The following WDR33 variants were observed in gnomAD, a reference collection of about 807,000 sequenced individuals.
WDR33 encodes the protein pre-mRNA 3' end processing protein WDR33.
Under a neutral mutation model 164.9 loss-of-function variants are expected in WDR33, and 47 were observed. The observed-to-expected ratio is 0.29, with a 90% CI of 0.23 to 0.36. The LOEUF is 0.36. Ranked by LOEUF, WDR33 falls within the 10% of genes least tolerant of loss-of-function variation. The pLI is 1.00. For synonymous variants in WDR33, 505 were observed against 589.0 expected (o/e 0.86, Z 2.06); for missense variants, 1,137 against 1,754.1 (o/e 0.65, Z 6.28).
chr2:127,727,883 G>C (rs1280279356), intron 7 of WDR33, among the ~76,000 whole-genome samples: 1 of 152,186 alleles, frequency 6.6e-6, no homozygotes, highest in African/African-American at 2.4e-5. Context: ...CAGACAAAGG[G>C]AAGTGAAGTG....
At chr2:127,775,390 T>C (rs748665368) in intron 1 of WDR33, among the ~76,000 whole-genome samples, 79 of 152,184 alleles carry the variant, frequency 5.2e-4, no homozygotes, top group Non-Finnish European at 9.4e-4. Context: ...GGTTTTGCCA[T>C]GTTGGTCAGG....
rs1000970695 is a variant in WDR33, at chr2:127,702,842, A to G, written c.*3481T>C. The G allele has an allele frequency of 2.4e-5, 4 of 166,856 alleles. No homozygotes were observed. Among genetic ancestry groups the G allele is most frequent in the African/African-American group, 4.8e-5 (2 of 41,478 alleles). The allele number at this position is 166,856 out of a possible 1,614,324, so 10.3% of individuals were successfully genotyped here. A position where few individuals can be genotyped will look rare whatever the true frequency, so the allele number is the denominator to read the frequency against. ...AAAGAAATTTCCTGCCCCAAGAAGC[A>G]TGGGATCCAGGAAGGGGCGCGTAGA... On this transcript the variant is annotated 3_prime_UTR_variant, in exon 22 of 22. Coordinates refer to ENST00000322313, the MANE Select transcript of WDR33 (RefSeq NM_018383.5).
intron 7 of WDR33, chr2:127,762,469 G>A (rs944776996): frequency 1.3e-5 from 13 of 963,762 alleles, no homozygotes; most frequent in Non-Finnish European, 1.6e-5. Flanking sequence ...TAAAATAATC[G>A]AAGTGAGAAT....
chr2:127,709,933 T>C lies in WDR33; in HGVS notation c.3309-77A>G, dbSNP rs768768750. ...TAAGTTCATGTTTCAAAGAAGCATA[T>C]GATATGAGAAAGCATGATACAATGT... On this transcript the variant is annotated intron_variant, in intron 18 of 21. Transcript: ENST00000322313. This position sits in a 1 kb window ranked among gnomAD's most constrained non-coding sequence, Gnocchi z 5.0. The C allele has an allele frequency of 3.1e-4, 476 of 1,518,706 alleles. No homozygotes were observed. The highest frequency in any genetic ancestry group is 4.2e-4 in the Non-Finnish European group (470 of 1,121,196). The allele number at this position is 1,518,706 out of a possible 1,614,324, so 94.1% of individuals were successfully genotyped here.
Position 127,708,845 on chromosome 2 carries a change from G to T in WDR33, c.3613C>A (p.Pro1205Thr), listed in dbSNP as rs1267199291. 1 of 1,610,422 alleles carries T rather than the reference G, an allele frequency of 6.2e-7. No individual in the cohort carries two copies. The highest frequency in any genetic ancestry group is 8.5e-7 in the Non-Finnish European group (1 of 1,177,676). ...CTGGCTGGGGAATGACCGTCGTGAG[G>T]GGGATGATCAGGGCGGGGAGTATCA... ...FRDTPRPDHPPHDGHSPASRE... is the reference protein window; with the variant it reads ...FRDTPRPDHPTHDGHSPASRE... The change falls in exon 21 of 22, where the codon CCT becomes ACT. Residue 1205 changes from proline (P) to threonine (T), a missense_variant. Transcript: ENST00000322313. This position sits in a 1 kb window ranked among gnomAD's most constrained non-coding sequence, Gnocchi z 6.7.
chr2:127,796,877 C>CA, intron 1 of WDR33, among the ~76,000 whole-genome samples: 1 of 152,060 alleles, frequency 6.6e-6, no homozygotes, highest in Admixed American at 6.6e-5. Context: ...GAGTTAACAA[C>CA]AAAAAATAAT....
chr2:127,704,581 G>C lies in WDR33; in HGVS notation c.*1742C>G, dbSNP rs190818716. The C allele has an allele frequency of 6.0e-6, 1 of 167,012 alleles. No individual in the cohort carries two copies. The highest frequency in any genetic ancestry group is 6.5e-5 in the Admixed American group (1 of 15,292). The allele number at this position is 167,012 out of a possible 1,614,324, so 10.3% of individuals were successfully genotyped here. ...TGAGCCTCCTAATAGCATGTTTATG[G>C]TGGAGCGCTGATTAAATAAGCTGTA... On this transcript the variant is annotated 3_prime_UTR_variant, in exon 22 of 22. Coordinates refer to ENST00000322313, the MANE Select transcript of WDR33 (RefSeq NM_018383.5).
rs200197402 is a variant in WDR33 at position 127,806,210 on chromosome 2, CTT to C, written c.-24+4800_-24+4801del. Among the ~76,000 whole-genome samples the C allele has an allele frequency of 1.6e-3, 219 of 132,902 alleles. 2 individuals carry two copies. In the East Asian group the frequency reaches 0.019, roughly 12 times the overall value. The allele number at this position is 132,902 out of a possible 152,430, so 87.2% of individuals were successfully genotyped here. A position where few individuals can be genotyped will look rare whatever the true frequency, so the allele number is the denominator to read the frequency against. ...CATCTCTTTAGTTGTTTTTCTTTTT[CTT>C]TTTTTTTTTTTTTTTGAGACAGTCT... On this transcript the variant is annotated intron_variant, in intron 1 of 21. Coordinates refer to ENST00000322313, the MANE Select transcript of WDR33 (RefSeq NM_018383.5).
Position 127,710,573 on chromosome 2 carries a change from T to C in WDR33, c.3309-717A>G, listed in dbSNP as rs116643578. ...GCTAGCTGGCAGTCTGGAGCCCTGC[T>C]TAGTGAACAGCTTCCCCTTCTCTCA... is the stretch of plus-strand genomic sequence containing the variant. On this transcript the variant is annotated intron_variant, in intron 18 of 21. Transcript: ENST00000322313. This position sits in a 1 kb window ranked among gnomAD's most constrained non-coding sequence, Gnocchi z 4.4. Among the ~76,000 whole-genome samples, 1,907 of 152,326 alleles carry C rather than the reference T, an allele frequency of 0.013. 48 individuals carry two copies. The highest frequency in any genetic ancestry group is 0.044 in the African/African-American group (1,842 of 41,560).
rs1211181653 is a variant in WDR33, at chr2:127,770,411, C to T, written c.204+367G>A. Among the ~76,000 whole-genome samples the T allele has an allele frequency of 2.0e-5, 3 of 152,054 alleles. No individual in the cohort carries two copies. Among genetic ancestry groups the T allele is most frequent in the Admixed American group, 6.6e-5 (1 of 15,254 alleles). ...ATCATCTTCTTTTAAATAACCAGGC[C>T]GGGCGCAGTGGCTCATGCCTGTAAT... On this transcript the variant is annotated intron_variant, in intron 2 of 21. Coordinates refer to ENST00000322313, the MANE Select transcript of WDR33 (RefSeq NM_018383.5). The surrounding 1 kb of genome is among the most constrained non-coding windows in gnomAD (Gnocchi z 4.9).
rs1686336154 is a variant in WDR33 at position 127,717,836 on chromosome 2, C to CTCG, written c.2761-574_2761-573insCGA. Among the ~76,000 whole-genome samples, 1 of 152,152 alleles carries CTCG rather than the reference C, an allele frequency of 6.6e-6. No individual in the cohort carries two copies. Among genetic ancestry groups the CTCG allele is most frequent in the Non-Finnish European group, 1.5e-5 (1 of 68,026 alleles). On this transcript the variant is annotated intron_variant, in intron 16 of 21. Transcript: ENST00000322313. The surrounding 1 kb of genome is among the most constrained non-coding windows in gnomAD (Gnocchi z 5.6). Reference sequence around the variant, plus strand: ...CAGAAACTCAGGCATGTCCTTGTGACTCTGACATGTTTATAAATATTTCAG... The same window carrying CTCG: ...CAGAAACTCAGGCATGTCCTTGTGACTCGTCTGACATGTTTATAAATATTTCAG...
At chr2:127,742,205 C>T (rs771315299) in intron 7 of WDR33, among the ~76,000 whole-genome samples, 2 of 151,456 alleles carry the variant, frequency 1.3e-5, no homozygotes, top group Non-Finnish European at 2.9e-5. Context: ...AAGAGCGAAA[C>T]TCCATCTCAA....
chr2:127,711,354 G>A (rs1286921466), intron 18 of WDR33, among the ~76,000 whole-genome samples: 1 of 151,348 alleles, frequency 6.6e-6, no homozygotes, highest in African/African-American at 2.4e-5. Context: ...GAACCCAGGA[G>A]GTGGAGGCTG....
chr2:127,744,967 T>C (rs566705713), intron 7 of WDR33, among the ~76,000 whole-genome samples: 13 of 152,242 alleles, frequency 8.5e-5, no homozygotes, highest in African/African-American at 3.1e-4. Flanking sequence ...GTCTTCGGCT[T>C]GATTGGTTAG....
At chr2:127,756,334 CAAAAAA>C (rs57883631) in intron 7 of WDR33, among the ~76,000 whole-genome samples, 1 of 109,722 alleles carries the variant, frequency 9.1e-6, no homozygotes, top group Non-Finnish European at 1.9e-5. Flanking sequence ...ATTCCAACTC[CAAAAAA>C]AAAAAAAAAG....
chr2:127,736,040 G>A (rs777166082), intron 7 of WDR33: 36 of 985,384 alleles, frequency 3.7e-5, no homozygotes, highest in African/African-American at 7.0e-5. Flanking sequence ...GGGTCCGGCA[G>A]TCAGGTAAGT....
Position 127,741,574 on chromosome 2 carries a change from A to T in WDR33, c.725-14797T>A, listed in dbSNP as rs1044330395. Among the ~76,000 whole-genome samples, 1 of 152,206 alleles carries T rather than the reference A, an allele frequency of 6.6e-6. No individual in the cohort carries two copies. The highest frequency in any genetic ancestry group is 2.4e-5 in the African/African-American group (1 of 41,450). ...ATCCAGGAGAGGACCCTTGTAGGTAAGCGAACTTAACTGCAAAAAAATGCA... is the reference window on the plus strand; with the variant it reads ...ATCCAGGAGAGGACCCTTGTAGGTATGCGAACTTAACTGCAAAAAAATGCA... On this transcript the variant is annotated intron_variant, in intron 7 of 21. Coordinates refer to ENST00000322313, the MANE Select transcript of WDR33 (RefSeq NM_018383.5). This position sits in a 1 kb window ranked among gnomAD's most constrained non-coding sequence, Gnocchi z 4.1.
At chr2:127,783,950 T>C (rs1440511045) in intron 1 of WDR33, among the ~76,000 whole-genome samples, 3 of 151,832 alleles carry the variant, frequency 2.0e-5, no homozygotes, top group South Asian at 4.2e-4. Flanking sequence ...CCCAAAATTT[T>C]TGTTTACTGT....
chr2:127,747,962 A>C (rs549092606), intron 7 of WDR33, among the ~76,000 whole-genome samples: 5 of 152,354 alleles, frequency 3.3e-5, no homozygotes, highest in East Asian at 3.9e-4. Context: ...CAATATCAAA[A>C]GTAGTCACTC....
Sources: gnomAD v4.1 joint callset for allele counts (sites outside exome capture counted in the v4.1 genomes callset) on GRCh38, gnomAD v4.1.1 for gene constraint, Gnocchi (gnomAD v3.1) non-coding constraint, MANE v1.5 for transcripts, NCBI Gene and HGNC (gene_info 2026-07-23, HGNC 2026-07-21) for gene names.